PRKN: variants seen among roughly 807,000 people sequenced by gnomAD.
The protein encoded by PRKN is E3 ubiquitin-protein ligase parkin.
Under a neutral mutation model 59.5 loss-of-function variants are expected in PRKN, and 56 were observed. The observed-to-expected ratio is 0.94, with a 90% CI of 0.76 to 1.18. The LOEUF (loss-of-function observed/expected upper bound fraction) is 1.18, where lower values mean the gene tolerates loss of function less well. PRKN is among the 50% of genes most tolerant of loss of function. The pLI is 0.00. For missense variants in PRKN, 657 were observed against 596.4 expected (o/e 1.10, Z -1.06); for synonymous variants, 250 against 222.1 (o/e 1.13, Z -1.12).
intron 7 of PRKN, among the ~76,000 whole-genome samples, chr6:161,595,350 A>T: frequency 6.6e-6 from 1 of 152,190 alleles, no homozygotes; most frequent in East Asian, 1.9e-4. Context: ...AATTTCATAC[A>T]CACAGACAAG....
rs1435309984 is a variant in PRKN at position 161,530,592 on chromosome 6, C to T, written c.1083+18262G>A. 6.6e-6 allele frequency among the ~76,000 whole-genome samples: 1 copy of T among 151,900 alleles called. No individual in the cohort carries two copies. Among genetic ancestry groups the T allele is most frequent in the Non-Finnish European group, 1.5e-5 (1 of 68,006 alleles). On this transcript the variant is annotated intron_variant, in intron 9 of 11. Transcript: ENST00000366898. This position sits in a 1 kb window ranked among gnomAD's most constrained non-coding sequence, Gnocchi z 5.0. ...AGTGCAATGGCATGATCTCGGCTCA[C>T]CGCAACCTCCACCTCCCAGGTTCAA...
At chr6:162,642,495 T>C (rs2846547) in intron 1 of PRKN, among the ~76,000 whole-genome samples, 80,962 of 151,900 alleles carry the variant, frequency 0.53, 22,386 homozygotes, top group African/African-American at 0.64. Context: ...CTATAAAACA[T>C]AATCACTGTT....
At chr6:162,661,684 G>C (rs1170357872) in intron 1 of PRKN, among the ~76,000 whole-genome samples, 1 of 152,152 alleles carries the variant, frequency 6.6e-6, no homozygotes, top group East Asian at 1.9e-4. Context: ...AAATATGACA[G>C]GGTTATGGCT....
chr6:161,581,708 T>C lies in PRKN; in HGVS notation c.872-12292A>G, dbSNP rs1166253020. 6.6e-6 allele frequency among the ~76,000 whole-genome samples: 1 copy of C among 152,032 alleles called. No homozygotes were observed. The highest frequency in any genetic ancestry group is 1.5e-5 in the Non-Finnish European group (1 of 68,010). Reference sequence around the variant, plus strand: ...CTGGCCTGAGAATGAACATCAGCAATTGGTGTTGACTCAGAAGGCTGAGAT... The same window carrying C: ...CTGGCCTGAGAATGAACATCAGCAACTGGTGTTGACTCAGAAGGCTGAGAT... On this transcript the variant is annotated intron_variant, in intron 7 of 11. Transcript: ENST00000366898. The surrounding 1 kb of genome is among the most constrained non-coding windows in gnomAD (Gnocchi z 4.5).
At chr6:161,839,171 G>T (rs1194712335) in intron 6 of PRKN, among the ~76,000 whole-genome samples, 1 of 152,168 alleles carries the variant, frequency 6.6e-6, no homozygotes, top group Admixed American at 6.5e-5. Flanking sequence ...AGGTGGCATT[G>T]GAGATATGCC....
At chr6:161,832,538 C>T (rs552519079) in intron 6 of PRKN, among the ~76,000 whole-genome samples, 127 of 148,884 alleles carry the variant, frequency 8.5e-4, no homozygotes, top group Non-Finnish European at 1.5e-3. Context: ...GCAGGAGAAT[C>T]GCTTGAACCC....
intron 1 of PRKN, among the ~76,000 whole-genome samples, chr6:162,452,074 TG>T (rs1166584189): frequency 2.0e-5 from 3 of 152,108 alleles, no homozygotes; most frequent in African/African-American, 7.2e-5. Flanking sequence ...AGTCCAGAAG[TG>T]ACGGCACAAT....
At chr6:162,203,968 C>T (rs949588886) in intron 3 of PRKN, among the ~76,000 whole-genome samples, 2 of 152,110 alleles carry the variant, frequency 1.3e-5, no homozygotes, top group African/African-American at 4.8e-5. Context: ...GCAGATATTT[C>T]GCCACGTTTG....
Position 161,587,572 on chromosome 6 carries a change from A to G in PRKN, c.872-18156T>C, listed in dbSNP as rs183911376. Among the ~76,000 whole-genome samples the G allele has an allele frequency of 2.6e-5, 4 of 152,344 alleles. No homozygotes were observed. In the East Asian group the frequency reaches 7.7e-4, roughly 29 times the overall value. On this transcript the variant is annotated intron_variant, in intron 7 of 11. Transcript: ENST00000366898. ...GCTATCCTGAGGTTAAGAATGATGA[A>G]ATAAGTTTGATCATTCTTATGGTAA...
chr6:162,628,546 G>T (rs1177201192), intron 1 of PRKN, among the ~76,000 whole-genome samples: 1 of 152,042 alleles, frequency 6.6e-6, no homozygotes, highest in African/African-American at 2.4e-5. Flanking sequence ...CAGAAGTGAA[G>T]ATCTCTATGT....
chr6:161,854,499 T>C (rs956325381), intron 6 of PRKN, among the ~76,000 whole-genome samples: 1 of 152,066 alleles, frequency 6.6e-6, no homozygotes, highest in African/African-American at 2.4e-5. Context: ...GAAAAGTAGG[T>C]AGGTGTACTT....
chr6:161,373,797 CT>C lies in PRKN; in HGVS notation c.1167+12996del, dbSNP rs1048312457. ...GTGGAGTGACAATATTTTGTCCCCC[CT>C]GCCAGCCCCGTTTTTAATGAAGGAA... On this transcript the variant is annotated intron_variant, in intron 10 of 11. Coordinates refer to ENST00000366898, the MANE Select transcript of PRKN (RefSeq NM_004562.3). This position sits in a 1 kb window ranked among gnomAD's most constrained non-coding sequence, Gnocchi z 4.8. Among the ~76,000 whole-genome samples, 106 of 152,284 alleles carry C rather than the reference CT, an allele frequency of 7.0e-4. No individual in the cohort carries two copies. The highest frequency in any genetic ancestry group is 2.4e-3 in the African/African-American group (101 of 41,560).
intron 7 of PRKN, among the ~76,000 whole-genome samples, chr6:161,692,057 T>G (rs1190263573): frequency 6.6e-6 from 1 of 151,136 alleles, no homozygotes; most frequent in East Asian, 1.9e-4. Flanking sequence ...TGCCTCTCTC[T>G]CCATGTCAAC....
intron 1 of PRKN, among the ~76,000 whole-genome samples, chr6:162,456,020 A>C (rs559392923): frequency 2.0e-5 from 3 of 152,262 alleles, no homozygotes; most frequent in Admixed American, 1.3e-4. Context: ...CTTTATTTTC[A>C]ACAAAATTAA....
At chr6:161,512,478 G>A (rs6900002) in intron 9 of PRKN, among the ~76,000 whole-genome samples, 39 of 152,240 alleles carry the variant, frequency 2.6e-4, no homozygotes, top group Admixed American at 1.3e-3. Flanking sequence ...GGGACACCTC[G>A]TTGGTAGGGA....
intron 9 of PRKN, among the ~76,000 whole-genome samples, chr6:161,412,295 C>T (rs919582458): frequency 6.0e-5 from 9 of 149,548 alleles, no homozygotes; most frequent in African/African-American, 2.2e-4. Flanking sequence ...TTCCTCCACT[C>T]ATTCCTCTGC....
chr6:161,968,931 A>G (rs146730663), intron 6 of PRKN, among the ~76,000 whole-genome samples: 52 of 152,362 alleles, frequency 3.4e-4, no homozygotes, highest in African/African-American at 1.3e-3. Flanking sequence ...TAGCTTTCAT[A>G]TGGAGAAAGT....
At chr6:161,948,402 T>G (rs537106954) in intron 6 of PRKN, among the ~76,000 whole-genome samples, 1 of 152,360 alleles carries the variant, frequency 6.6e-6, no homozygotes, top group South Asian at 2.1e-4. Context: ...TGCCACTCAC[T>G]TTTGTTAAGT....
At chr6:162,569,175 C>A in intron 1 of PRKN, 1 of 587,446 alleles carries the variant, frequency 1.7e-6, no homozygotes, top group South Asian at 1.6e-5. Context: ...GTATAAGGAG[C>A]TGCAGATGCA....
Sources: gnomAD v4.1 joint callset for allele counts (sites outside exome capture counted in the v4.1 genomes callset) on GRCh38, gnomAD v4.1.1 for gene constraint, Gnocchi (gnomAD v3.1) non-coding constraint, MANE v1.5 for transcripts, NCBI Gene and HGNC (gene_info 2026-07-23, HGNC 2026-07-21) for gene names.